The following ROBO1 variants were observed in gnomAD, a reference collection of about 807,000 sequenced individuals.
ROBO1 encodes the protein roundabout homolog 1.
In ROBO1, 149 loss-of-function variants were observed where a neutral mutation model predicts 195.9. The ratio of observed to expected loss-of-function variants is 0.76; its 90% CI spans 0.67 to 0.87. ROBO1 has a LOEUF of 0.87. ROBO1 is among the 40% of genes least tolerant of loss of function. The pLI is 0.00. For missense variants in ROBO1, 1,933 were observed against 2,068.3 expected, an observed-to-expected ratio of 0.93 and a Z score of 1.27; for synonymous variants, 816 against 733.2, an observed-to-expected ratio of 1.11 and a Z score of -1.82.
intron 2 of ROBO1, among the ~76,000 whole-genome samples, chr3:79,200,370 A>T (rs2081739613): frequency 6.6e-6 from 1 of 151,734 alleles, no homozygotes; most frequent in African/African-American, 2.4e-5. Context: ...TTTGTTAGCT[A>T]TTGATAGAAA....
At chr3:78,622,017 T>C (rs1704488298) in intron 26 of ROBO1, among the ~76,000 whole-genome samples, 4 of 152,228 alleles carry the variant, frequency 2.6e-5, no homozygotes, top group Admixed American at 2.6e-4. Context: ...TATATGAACA[T>C]AATTTTTACT....
chr3:79,605,592 C>T (rs1292699158), intron 1 of ROBO1, among the ~76,000 whole-genome samples: 3 of 151,996 alleles, frequency 2.0e-5, no homozygotes, highest in Non-Finnish European at 4.4e-5. Flanking sequence ...TTCCTGAGAA[C>T]CAGCTTCTTG....
chr3:78,983,523 G>T (rs1347188867), intron 3 of ROBO1, among the ~76,000 whole-genome samples: 1 of 152,118 alleles, frequency 6.6e-6, no homozygotes, highest in Non-Finnish European at 1.5e-5. Context: ...TATTTAAATG[G>T]CCATAAGATT....
intron 2 of ROBO1, among the ~76,000 whole-genome samples, chr3:79,428,428 G>T (rs533690255): frequency 1.3e-5 from 2 of 152,244 alleles, no homozygotes; most frequent in East Asian, 1.9e-4. Flanking sequence ...CATGGGAGGT[G>T]CTGAAAAGAT....
intron 1 of ROBO1, among the ~76,000 whole-genome samples, chr3:79,607,095 G>GCACACACACACACACACACACA (rs35692271): frequency 3.6e-5 from 5 of 139,962 alleles, no homozygotes; most frequent in South Asian, 2.4e-4. Context: ...ATTAAAACCT[G>GCACACACACACACACACACACA]CACACACACA....
intron 2 of ROBO1, among the ~76,000 whole-genome samples, chr3:79,433,412 A>G (rs895724110): frequency 7.9e-5 from 12 of 152,036 alleles, no homozygotes; most frequent in African/African-American, 2.9e-4. Flanking sequence ...TTTTTTAGAG[A>G]CAAAGTCTAG....
At chr3:79,266,370 T>G (rs2029945684) in intron 2 of ROBO1, among the ~76,000 whole-genome samples, 1 of 151,602 alleles carries the variant, frequency 6.6e-6, no homozygotes, top group South Asian at 2.1e-4. Context: ...CATTTGGTCA[T>G]GTGAAAATTA....
At chr3:79,136,963 T>C (rs898126836) in intron 2 of ROBO1, among the ~76,000 whole-genome samples, 2 of 152,070 alleles carry the variant, frequency 1.3e-5, no homozygotes, top group Non-Finnish European at 2.9e-5. Flanking sequence ...ATAATATGTA[T>C]GAAGTTAAAA....
At chr3:79,521,332 G>A (rs566717665) in intron 2 of ROBO1, among the ~76,000 whole-genome samples, 1 of 152,154 alleles carries the variant, frequency 6.6e-6, no homozygotes, top group Non-Finnish European at 1.5e-5. Flanking sequence ...AGGGGTTCCT[G>A]TTTAGGAAAC....
rs72892154 is a variant in ROBO1, at chr3:79,634,370, C to T, written c.-50-44409G>A. Among the ~76,000 whole-genome samples the T allele has an allele frequency of 6.6e-3, 1,002 of 152,238 alleles. 10 individuals are homozygous for T. Among genetic ancestry groups the T allele is most frequent in the African/African-American group, 0.023 (944 of 41,536 alleles). ...AGGATTTGATGAGGGGGAGATGAGA[C>T]ATCCAGAATCAGAAAACAATGATAA... is the stretch of plus-strand genomic sequence containing the variant. On this transcript the variant is annotated intron_variant, in intron 1 of 30. Transcript: ENST00000464233.
intron 2 of ROBO1, among the ~76,000 whole-genome samples, chr3:79,133,350 T>C (rs1187564614): frequency 6.8e-5 from 8 of 116,810 alleles, no homozygotes; most frequent in Non-Finnish European, 1.2e-4. Context: ...TCTTTTCACA[T>C]AGTCCCATAT....
chr3:78,632,301 G>A (rs909446326), intron 24 of ROBO1, among the ~76,000 whole-genome samples: 5 of 152,104 alleles, frequency 3.3e-5, no homozygotes, highest in African/African-American at 1.2e-4. Context: ...GGAATTTTCA[G>A]TCAAATGGCA....
chr3:78,726,171 C>T (rs562983785), intron 5 of ROBO1, among the ~76,000 whole-genome samples: 1 of 152,248 alleles, frequency 6.6e-6, no homozygotes, highest in South Asian at 2.1e-4. Context: ...GAATTTATCT[C>T]ATTTCCTTTA....
At chr3:79,106,285 A>G (rs573735301) in intron 3 of ROBO1, among the ~76,000 whole-genome samples, 221 of 151,782 alleles carry the variant, frequency 1.5e-3, no homozygotes, top group African/African-American at 5.2e-3. Flanking sequence ...GGGAAGCAAA[A>G]AGCTACATGT....
intron 3 of ROBO1, among the ~76,000 whole-genome samples, chr3:79,077,803 G>A (rs1048027074): frequency 2.0e-5 from 3 of 151,852 alleles, no homozygotes; most frequent in Non-Finnish European, 4.4e-5. Flanking sequence ...AATGCTGAAA[G>A]CCAAATCTTT....
At chr3:79,068,810 C>A (rs1185004602) in intron 3 of ROBO1, among the ~76,000 whole-genome samples, 1 of 151,762 alleles carries the variant, frequency 6.6e-6, no homozygotes, top group Non-Finnish European at 1.5e-5. Flanking sequence ...CTGAAATGAC[C>A]AATTTCCCTA....
chr3:78,901,402 T>A (rs1180860143), intron 4 of ROBO1, among the ~76,000 whole-genome samples: 1 of 152,076 alleles, frequency 6.6e-6, no homozygotes, highest in Non-Finnish European at 1.5e-5. Flanking sequence ...ACAAAGAAAA[T>A]GATTTAATAA....
intron 2 of ROBO1, among the ~76,000 whole-genome samples, chr3:79,493,475 T>C (rs1939572963): frequency 6.6e-6 from 1 of 152,012 alleles, no homozygotes; most frequent in Non-Finnish European, 1.5e-5. Flanking sequence ...CCTAAGGATA[T>C]CAAAATAAAT....
chr3:79,726,640 T>C (rs953616074), intron 1 of ROBO1, among the ~76,000 whole-genome samples: 5 of 152,006 alleles, frequency 3.3e-5, no homozygotes, highest in African/African-American at 1.2e-4. Context: ...GCATTATCTC[T>C]AAAAAAAATT....
Sources: allele counts gnomAD v4.1 joint callset (sites outside exome capture counted in the v4.1 genomes callset), GRCh38; gene constraint gnomAD v4.1.1; transcripts MANE v1.5; gene names NCBI Gene and HGNC (gene_info 2026-07-23, HGNC 2026-07-21).